Variants in PARP8 observed in about 807,000 individuals in gnomAD.
PARP8 encodes protein mono-ADP-ribosyltransferase PARP8.
A neutral mutation model predicts 124.1 loss-of-function variants in PARP8; 51 were observed. The ratio of observed to expected loss-of-function variants is 0.41; its 90% CI spans 0.33 to 0.52. PARP8 has a LOEUF of 0.52. PARP8 is among the 20% of genes least tolerant of loss of function. The pLI, the probability that PARP8 is intolerant of heterozygous loss-of-function variation, is 0.21. For synonymous variants in PARP8, 391 were observed against 361.5 expected (o/e 1.08, Z -0.93); for missense variants, 860 against 1,018.9 (o/e 0.84, Z 2.12).
intron 9 of PARP8, among the ~76,000 whole-genome samples, chr5:50,780,577 A>T (rs1172994977): frequency 6.6e-6 from 1 of 152,270 alleles, no homozygotes; most frequent in African/African-American, 2.4e-5. Context: ...AAATATTTTA[A>T]CACTCATTTT....
chr5:50,688,449 C>G (rs577292164), intron 2 of PARP8, among the ~76,000 whole-genome samples: 52 of 152,318 alleles, frequency 3.4e-4, no homozygotes, highest in Admixed American at 3.0e-3. Flanking sequence ...TAGAGATTCA[C>G]TGGGAAATAT....
chr5:50,757,622 C>T (rs1245233090), intron 3 of PARP8, among the ~76,000 whole-genome samples: 3 of 152,010 alleles, frequency 2.0e-5, no homozygotes, highest in Non-Finnish European at 2.9e-5. Flanking sequence ...GAAAATGATA[C>T]GTTTGAAGGC....
Position 50,788,054 on chromosome 5 carries a change from T to A in PARP8, c.671-469T>A, listed in dbSNP as rs370621724. Among the ~76,000 whole-genome samples, 5 of 149,690 alleles carry A rather than the reference T, an allele frequency of 3.3e-5. No homozygotes were observed. In the East Asian group the frequency reaches 9.7e-4, roughly 29 times the overall value. ...TGTTTTATTCTAAAAATGATGTATG[T>A]AGATGCAAACATGTTGTCTTTCTTC... On this transcript the variant is annotated intron_variant, in intron 9 of 25. Transcript: ENST00000281631.
At chr5:50,814,768 A>C (rs892419809) in intron 14 of PARP8, among the ~76,000 whole-genome samples, 11 of 152,160 alleles carry the variant, frequency 7.2e-5, no homozygotes, top group Admixed American at 2.6e-4. Flanking sequence ...TTCATCAGCT[A>C]CCTAATGCAA....
At chr5:50,671,582 TTC>T (rs1343707352) in intron 2 of PARP8, among the ~76,000 whole-genome samples, 1 of 152,150 alleles carries the variant, frequency 6.6e-6, no homozygotes, top group African/African-American at 2.4e-5. Context: ...GACTTCTGTC[TTC>T]TGTTAACATA....
intron 2 of PARP8, among the ~76,000 whole-genome samples, chr5:50,675,741 T>G (rs2149438042): frequency 6.6e-6 from 1 of 152,250 alleles, no homozygotes; most frequent in South Asian, 2.1e-4. Context: ...TTTGTTAGCC[T>G]TTCACATCTG....
At chr5:50,827,885 T>A in intron 19 of PARP8, 59 bp from the exon 20 acceptor site, 2 of 1,251,358 alleles carry the variant, frequency 1.6e-6, no homozygotes, top group Admixed American at 1.8e-5. Context: ...GAAATTGTCA[T>A]CAGCCTGAAT....
At chr5:50,689,323 G>A (rs1385266767) in intron 2 of PARP8, among the ~76,000 whole-genome samples, 2 of 152,102 alleles carry the variant, frequency 1.3e-5, no homozygotes, top group Non-Finnish European at 2.9e-5. Context: ...AAAACAAATA[G>A]CTGTGAAATT....
chr5:50,684,526 TCATATATTCTCTTCAA>T (rs1430540957), intron 2 of PARP8, among the ~76,000 whole-genome samples: 4 of 151,904 alleles, frequency 2.6e-5, no homozygotes, highest in Admixed American at 6.6e-5. Context: ...TAAAATATAT[TCATATATTCTCTTCAA>T]CATACATAAT....
chr5:50,680,999 T>A (rs1751229070), intron 2 of PARP8, among the ~76,000 whole-genome samples: 1 of 152,146 alleles, frequency 6.6e-6, no homozygotes, highest in Admixed American at 6.6e-5. Flanking sequence ...GATTTTATGC[T>A]TATGAATTCA....
At position 50,763,262 on chromosome 5, in the gene PARP8, G is replaced by GA; in HGVS notation, c.518+22dup. ...TCTCAGGTAAATAAGTATCACTGGT[G>GA]AATAAAATTAAAGTTTTATGGTAAG... is the stretch of plus-strand genomic sequence containing the variant. On this transcript the variant is annotated intron_variant, in intron 7 of 25. Transcript: ENST00000281631. 1 of 1,540,088 alleles carries GA rather than the reference G, an allele frequency of 6.5e-7. No homozygotes were observed. Among genetic ancestry groups the GA allele is most frequent in the Non-Finnish European group, 9.0e-7 (1 of 1,114,858 alleles).
At chr5:50,785,445 C>T (rs1651348422) in intron 9 of PARP8, among the ~76,000 whole-genome samples, 1 of 152,154 alleles carries the variant, frequency 6.6e-6, no homozygotes. Flanking sequence ...ATTTTTGTAG[C>T]TAGATCTCTT....
chr5:50,706,030 G>T (rs1754111286), intron 2 of PARP8, among the ~76,000 whole-genome samples: 1 of 152,092 alleles, frequency 6.6e-6, no homozygotes, highest in Non-Finnish European at 1.5e-5. Context: ...GGACTAGTTG[G>T]ATTAAGATAT....
intron 2 of PARP8, among the ~76,000 whole-genome samples, chr5:50,723,893 G>A (rs1756157297): frequency 6.6e-6 from 1 of 152,094 alleles, no homozygotes; most frequent in Non-Finnish European, 1.5e-5. Flanking sequence ...ATTTGTTGAT[G>A]AGAAATTTAG....
At chr5:50,782,799 C>A (rs1184788130) in intron 9 of PARP8, among the ~76,000 whole-genome samples, 1 of 151,994 alleles carries the variant, frequency 6.6e-6, no homozygotes, top group Non-Finnish European at 1.5e-5. Context: ...ACTCTAGTAT[C>A]TCAGGTAAAA....
In PARP8 at chr5:50,803,636, T is replaced by C. The variant is rs192212629; in HGVS notation, c.1575+6403T>C. Among the ~76,000 whole-genome samples the C allele has an allele frequency of 2.0e-3, 301 of 152,316 alleles. 3 individuals carry two copies. The highest frequency in any genetic ancestry group is 6.9e-3 in the African/African-American group (285 of 41,568). On this transcript the variant is annotated intron_variant, in intron 14 of 25. Transcript: ENST00000281631. ...TTTTTTATTTCAGTAATTGTACTTTTCAACTCCAGAGTTTATTTTTATAAA... is the reference window on the plus strand; with the variant it reads ...TTTTTTATTTCAGTAATTGTACTTTCCAACTCCAGAGTTTATTTTTATAAA...
chr5:50,747,747 T>C (rs1198222690), intron 2 of PARP8, among the ~76,000 whole-genome samples: 1 of 147,588 alleles, frequency 6.8e-6, no homozygotes, highest in East Asian at 2.0e-4. Context: ...CTCTCAAAGA[T>C]AGGATAGACC....
At chr5:50,790,150 AT>A (rs1206777883) in intron 10 of PARP8, among the ~76,000 whole-genome samples, 1 of 152,240 alleles carries the variant, frequency 6.6e-6, no homozygotes, top group African/African-American at 2.4e-5. Flanking sequence ...AGATATGCAA[AT>A]ATAAAATTAG....
chr5:50,828,068 T>C lies in PARP8; in HGVS notation c.2090+12T>C. 1.3e-6 allele frequency: 2 copies of C among 1,521,272 alleles called. No homozygotes were observed. The highest frequency in any genetic ancestry group is 1.8e-6 in the Non-Finnish European group (2 of 1,095,782). The allele number at this position is 1,521,272 out of a possible 1,614,324, so 94.2% of individuals were successfully genotyped here. On this transcript the variant is annotated intron_variant, in intron 20 of 25. Coordinates refer to ENST00000281631, the MANE Select transcript of PARP8 (RefSeq NM_024615.4). ...ACCTTTGCATTTCAGTGAGTAAGGC[T>C]TAATGTTAATGGGGGTGTGCTCCCA...
Sources: allele counts gnomAD v4.1 joint callset (sites outside exome capture counted in the v4.1 genomes callset), GRCh38; gene constraint gnomAD v4.1.1; transcripts MANE v1.5; gene names NCBI Gene and HGNC (gene_info 2026-07-23, HGNC 2026-07-21).